Variants in TONSL observed in about 807,000 individuals in gnomAD.
TONSL encodes tonsoku-like protein.
In TONSL, 112 loss-of-function variants were observed where a neutral mutation model predicts 147.1. That is an observed-to-expected ratio of 0.76 (90% CI 0.65 to 0.89). The LOEUF is 0.89. TONSL is among the 40% of genes least tolerant of loss of function. The probability of loss-of-function intolerance (pLI) is 0.00; values close to 1 mark genes in which losing one functional copy is unlikely to be tolerated. For missense variants in TONSL, 1,883 were observed against 1,864.6 expected (o/e 1.01, Z -0.18); for synonymous variants, 868 against 801.5 (o/e 1.08, Z -1.40).
chr8:144,436,308 G>GTA lies in TONSL; in HGVS notation c.2124_2125insTA (p.Pro709TyrfsTer135), dbSNP rs1823455593. The GTA allele has an allele frequency of 4.0e-6, 6 of 1,503,898 alleles. No individual in the cohort carries two copies. The highest frequency in any genetic ancestry group is 4.4e-6 in the Non-Finnish European group (5 of 1,133,018). The allele number at this position is 1,503,898 out of a possible 1,614,324, so 93.2% of individuals were successfully genotyped here. A position where few individuals can be genotyped will look rare whatever the true frequency, so the allele number is the denominator to read the frequency against. On this transcript the variant is annotated frameshift_variant, in exon 17 of 26. Transcript: ENST00000409379. LOFTEE classifies it high-confidence loss of function. Reference sequence around the variant, plus strand: ...CTGACATGGGCCTGAGAGGCCTCTGGGAGTCTAGTGCTATTAGAGGGGGGT... The same window carrying GTA: ...CTGACATGGGCCTGAGAGGCCTCTGGTAGAGTCTAGTGCTATTAGAGGGGGGT...
chr8:144,437,728 C>G (rs556709552), intron 13 of TONSL: 7 of 154,192 alleles, frequency 4.5e-5, no homozygotes, highest in African/African-American at 1.4e-4. Flanking sequence ...CTCAGCCTCC[C>G]GAGTAGCTGG....
chr8:144,429,403 G>A, intron 25 of TONSL, 67 bp from the exon 26 acceptor site: 3 of 1,336,470 alleles, frequency 2.2e-6, no homozygotes, highest in Non-Finnish European at 2.9e-6. Context: ...CCCGCGGCAG[G>A]CTCCAGGGAA....
In TONSL at chr8:144,435,765, G is replaced by A. The variant is rs1414194411; in HGVS notation, c.2668C>T (p.Pro890Ser). 1 of 1,612,802 alleles carries A rather than the reference G, an allele frequency of 6.2e-7. No individual in the cohort carries two copies. Among genetic ancestry groups the A allele is most frequent in the Non-Finnish European group, 8.5e-7 (1 of 1,179,948 alleles). The change falls in exon 17 of 26, where the codon CCA becomes TCA. Residue 890 changes from proline to serine, a missense_variant. Coordinates refer to ENST00000409379, the MANE Select transcript of TONSL (RefSeq NM_013432.5). ...RLTCMQSCSAPVNAGPSSLAS... is the reference protein window; with the variant it reads ...RLTCMQSCSASVNAGPSSLAS... ...AGGCTGCTGGGCCCTGCGTTAACTGGCGCACTGCAACTCTGCATGCAGGTC... is the reference window on the plus strand; with the variant it reads ...AGGCTGCTGGGCCCTGCGTTAACTGACGCACTGCAACTCTGCATGCAGGTC...
chr8:144,430,337 C>A, intron 25 of TONSL, 67 bp downstream of exon 25: 1 of 1,453,804 alleles, frequency 6.9e-7, no homozygotes, highest in Non-Finnish European at 9.1e-7. Context: ...GGAGGAGGCA[C>A]CTGGGTCTCA....
chr8:144,433,720 C>T lies in TONSL; in HGVS notation c.3427G>A (p.Asp1143Asn), dbSNP rs782768461. The T allele has an allele frequency of 3.7e-6, 6 of 1,605,666 alleles. No homozygotes were observed. The Admixed American group carries it at 8.5e-5, about 23-fold the overall frequency. ...GAGGCCAGGGACTGGCCACAGCCGT[C>T]CCCCAGGGGGTTCATGCTTAAGTCC... ...ELDLSMNPLG[D>N]GCGQSLASLL... The change falls in exon 22 of 26, where the codon GAC becomes AAC. Residue 1143 changes from aspartate (D) to asparagine (N), a missense_variant. Transcript: ENST00000409379.
At position 144,442,063 on chromosome 8, in the gene TONSL, G is replaced by T. The variant is rs1356836106; in HGVS notation, c.839C>A (p.Ala280Glu). 8.1e-6 allele frequency: 13 copies of T among 1,612,702 alleles called. No homozygotes were observed. Among genetic ancestry groups the T allele is most frequent in the Non-Finnish European group, 1.1e-5 (13 of 1,179,934 alleles). Residue 280 changes from alanine to glutamate, a missense_variant, in exon 7 of 26, where the codon GCA (alanine) becomes GAA (glutamate). By Grantham distance (107) the Ala-to-Glu change is moderately radical. Transcript: ENST00000409379. The part of the protein sequence containing the change: ...RLGSQKPVQR[A>E]AICQNLQHVL... ...ATGCTGGAGGTTCTGACAGATGGCTGCCCTCTGCACAGGCTTCTGGGAGCC... is the reference window on the plus strand; with the variant it reads ...ATGCTGGAGGTTCTGACAGATGGCTTCCCTCTGCACAGGCTTCTGGGAGCC...
intron 18 of TONSL, 65 bp from the exon 19 acceptor site, chr8:144,435,235 C>T (rs750146338): frequency 2.9e-5 from 42 of 1,435,870 alleles, no homozygotes; most frequent in Non-Finnish European, 3.7e-5. Flanking sequence ...CAGGGACCCG[C>T]CATCCCTGCC....
At chr8:144,440,643 G>A in intron 9 of TONSL, 75 bp downstream of exon 9, 2 of 1,555,854 alleles carry the variant, frequency 1.3e-6, no homozygotes, top group Non-Finnish European at 1.7e-6. Context: ...ACCTGTCCAT[G>A]GCCACCCTGA....
chr8:144,435,946 C>T lies in TONSL; in HGVS notation c.2487G>A (p.Glu829=). 6.4e-7 allele frequency: 1 copy of T among 1,564,650 alleles called. No homozygotes were observed. Among genetic ancestry groups the T allele is most frequent in the Non-Finnish European group, 8.7e-7 (1 of 1,153,598 alleles). The change falls in exon 17 of 26, where the codon GAG becomes GAA. Residue 829 remains glutamate, a synonymous_variant. Coordinates refer to ENST00000409379, the MANE Select transcript of TONSL (RefSeq NM_013432.5). ...APQAALIPEE[E]CLAGDWLELD... is the part of the protein sequence containing the mutation. ...GCTCCAGCCAGTCCCCGGCCAGGCA[C>T]TCCTCCTCCGGGATGAGCGCTGCCT...
At position 144,433,775 on chromosome 8, in the gene TONSL, G is replaced by A; in HGVS notation, c.3388-16C>T. 1.9e-6 allele frequency: 3 copies of A among 1,550,494 alleles called. No homozygotes were observed. Among genetic ancestry groups the A allele is most frequent in the Non-Finnish European group, 2.6e-6 (3 of 1,149,118 alleles). ...CCTCCAAACTCTGTGGAAGACACAG[G>A]CTGGCAGTGAGCCCCCAGCAGTCCC... On this transcript the variant is annotated splice_polypyrimidine_tract_variant and intron_variant, in intron 21 of 25. Coordinates refer to ENST00000409379, the MANE Select transcript of TONSL (RefSeq NM_013432.5).
At chr8:144,442,904 C>G in intron 4 of TONSL, 98 bp from the exon 5 acceptor site, 1 of 1,452,338 alleles carries the variant, frequency 6.9e-7, no homozygotes, top group Non-Finnish European at 9.1e-7. Context: ...TCTCCTACCC[C>G]CTCCCTCCTC....
intron 7 of TONSL, chr8:144,441,662 T>C (rs1170765184): frequency 8.8e-6 from 2 of 226,758 alleles, no homozygotes; most frequent in South Asian, 6.2e-5. Context: ...CAACCTCCAA[T>C]GGTGGTCTCT....
rs764753292 is a variant in TONSL at position 144,436,588 on chromosome 8, T to C, written c.1984A>G (p.Met662Val). 3 of 1,611,394 alleles carry C rather than the reference T, an allele frequency of 1.9e-6. No homozygotes were observed. The South Asian group carries it at 3.3e-5, about 18-fold the overall frequency. The change falls in exon 16 of 26, where the codon ATG becomes GTG. Residue 662 changes from methionine (M) to valine (V), a missense_variant. Met to Val is a conservative substitution (Grantham distance 21). Coordinates refer to ENST00000409379, the MANE Select transcript of TONSL (RefSeq NM_013432.5). ...ETRQKARAMEMLLQAAASGQD... is the reference protein window; with the variant it reads ...ETRQKARAMEVLLQAAASGQD... ...CCCGAGGCAGCCGCCTGGAGCAGCATCTCCATGGCCCTGGCCTTCTGCCGC... is the reference window on the plus strand; with the variant it reads ...CCCGAGGCAGCCGCCTGGAGCAGCACCTCCATGGCCCTGGCCTTCTGCCGC...
rs191831957 is a variant in TONSL, at chr8:144,438,408, C to T, written c.1653+63G>A. 984 of 1,546,332 alleles carry T rather than the reference C, an allele frequency of 6.4e-4. 4 individuals are homozygous for T. The African/African-American group carries it at 9.7e-3, about 15-fold the overall frequency. ...TTGAGAGTTACAGAGATAGGGGATC[C>T]GGCACAAACGCACAGCTCCTCCATG... On this transcript the variant is annotated intron_variant, in intron 13 of 25. Coordinates refer to ENST00000409379, the MANE Select transcript of TONSL (RefSeq NM_013432.5).
intron 11 of TONSL, among the ~76,000 whole-genome samples, chr8:144,439,425 C>A (rs1444314711): frequency 6.6e-6 from 1 of 151,642 alleles, no homozygotes; most frequent in Non-Finnish European, 1.5e-5. Context: ...CTAACGACGC[C>A]CTCGAGTTCA....
At chr8:144,442,522 G>T in intron 5 of TONSL, 110 bp from the exon 6 acceptor site, 1 of 1,481,184 alleles carries the variant, frequency 6.8e-7, no homozygotes, top group Non-Finnish European at 9.0e-7. Context: ...AACCATGCCT[G>T]GCCTTCTCCC....
rs751990941 is a variant in TONSL, at chr8:144,436,331, G to T, written c.2102C>A (p.Pro701His). 3 of 1,502,248 alleles carry T rather than the reference G, an allele frequency of 2.0e-6. No individual in the cohort carries two copies. The highest frequency in any genetic ancestry group is 1.4e-5 in the African/African-American group (1 of 71,832). 93.1% of individuals were successfully genotyped at this position (1,502,248 alleles called of 1,614,324 possible). ...TGGGAGTCTAGTGCTATTAGAGGGG[G>T]GTTCTGGGCAGGGGCTCAAAGGAGG... The part of the protein sequence containing the change: ...TSPPLSPCPE[P>H]PSNSTRLPEA... Residue 701 changes from proline to histidine, a missense_variant, in exon 17 of 26, where the codon CCC becomes CAC. Coordinates refer to ENST00000409379, the MANE Select transcript of TONSL (RefSeq NM_013432.5).
In TONSL at chr8:144,442,748, G is replaced by A; in HGVS notation, c.507C>T (p.Gly169=). The change falls in exon 5 of 26, where the codon GGC becomes GGT. Residue 169 remains glycine, a synonymous_variant. Coordinates refer to ENST00000409379, the MANE Select transcript of TONSL (RefSeq NM_013432.5). ...EMRTRLYLNL[G]LTFESLQQTA... ...TCTGCTGCAGGCTCTCAAAGGTGAG[G>A]CCCAGGTTGAGATAGAGGCGGGTCC... 1 of 1,613,112 alleles carries A rather than the reference G, an allele frequency of 6.2e-7. No individual in the cohort carries two copies. Among genetic ancestry groups the A allele is most frequent in the Non-Finnish European group, 8.5e-7 (1 of 1,179,962 alleles).
chr8:144,441,355 G>T (rs1823708951), intron 7 of TONSL: 2 of 494,966 alleles, frequency 4.0e-6, no homozygotes, highest in Non-Finnish European at 3.6e-6. Context: ...GACTTTGGGA[G>T]GCCGAGGCGG....
Sources: allele counts gnomAD v4.1 joint callset (sites outside exome capture counted in the v4.1 genomes callset), GRCh38; gene constraint gnomAD v4.1.1; transcripts MANE v1.5; gene names NCBI Gene and HGNC (gene_info 2026-07-23, HGNC 2026-07-21).